NUP88: variants seen among roughly 807,000 people sequenced by gnomAD.
The protein encoded by NUP88 is nucleoporin 88.
A neutral mutation model predicts 93.9 loss-of-function variants in NUP88; 57 were observed. The observed-to-expected ratio is 0.61, with a 90% confidence interval of 0.49 to 0.76. NUP88 has a LOEUF of 0.76. NUP88 is among the 30% of genes least tolerant of loss of function. The pLI, the probability that NUP88 is intolerant of heterozygous loss-of-function variation, is 0.00. For synonymous variants in NUP88, 346 were observed against 336.8 expected (o/e 1.03, Z -0.30); for missense variants, 911 against 901.0 (o/e 1.01, Z -0.14).
intron 9 of NUP88, among the ~76,000 whole-genome samples, chr17:5,394,058 C>T (rs1011172390): frequency 5.3e-5 from 8 of 152,188 alleles, no homozygotes; most frequent in African/African-American, 1.9e-4. Context: ...AAGGGGACAT[C>T]TGGAGTTTTA....
Position 5,404,185 on chromosome 17 carries a change from A to G in NUP88, c.1106T>C (p.Val369Ala). The G allele has an allele frequency of 1.2e-6, 2 of 1,614,062 alleles. No individual in the cohort carries two copies. The highest frequency in any genetic ancestry group is 1.7e-6 in the Non-Finnish European group (2 of 1,179,900). Reference sequence around the variant, plus strand: ...CAGTTTCAAAGCAAGCTCCAACTCAACACATTCAAACACATACAGAGAAGG... The same window carrying G: ...CAGTTTCAAAGCAAGCTCCAACTCAGCACATTCAAACACATACAGAGAAGG... ...LIPSLYVFEC[V>A]ELELALKLAS... Residue 369 changes from valine (V) to alanine (A), a missense_variant, in exon 7 of 17, where the codon GTT becomes GCT. By Grantham distance (64) the Val-to-Ala change is moderately conservative. Transcript: ENST00000573584.
chr17:5,391,972 C>T (rs1265654546), intron 9 of NUP88, among the ~76,000 whole-genome samples: 1 of 121,576 alleles, frequency 8.2e-6, no homozygotes, highest in African/African-American at 2.9e-5. Flanking sequence ...CTTTGTTTGC[C>T]TAGCCCAGTG....
intron 9 of NUP88, among the ~76,000 whole-genome samples, chr17:5,391,899 G>A (rs1041798350): frequency 2.0e-5 from 3 of 151,504 alleles, no homozygotes; most frequent in Admixed American, 1.3e-4. Context: ...GCTGCTGACT[G>A]TAATCTCAAA....
chr17:5,414,361 A>G (rs1171097713), intron 2 of NUP88, among the ~76,000 whole-genome samples: 1 of 151,938 alleles, frequency 6.6e-6, no homozygotes, highest in Non-Finnish European at 1.5e-5. Context: ...TCGCCCAGCG[A>G]ACTTTGTATT....
At chr17:5,406,723 G>C (rs1913514159) in intron 5 of NUP88, among the ~76,000 whole-genome samples, 1 of 151,704 alleles carries the variant, frequency 6.6e-6, no homozygotes, top group Non-Finnish European at 1.5e-5. Context: ...CAATTGTTTT[G>C]GGCCACACAG....
rs751060674 is a variant in NUP88 at position 5,415,022 on chromosome 17, ATTTG to A, written c.468-892_468-889del. On this transcript the variant is annotated intron_variant, in intron 2 of 16. Coordinates refer to ENST00000573584, the MANE Select transcript of NUP88 (RefSeq NM_002532.6). ...AATTTAAATTATTTATTTAAATTTT[ATTTG>A]TTTATTTATTTGAGATGAAGTCTCA... is the stretch of plus-strand genomic sequence containing the variant. 3.4e-4 allele frequency among the ~76,000 whole-genome samples: 51 copies of A among 149,374 alleles called. No homozygotes were observed. In the South Asian group the frequency reaches 3.5e-3, roughly 10 times the overall value.
chr17:5,415,653 G>T (rs1162121619), intron 2 of NUP88, among the ~76,000 whole-genome samples: 1 of 152,076 alleles, frequency 6.6e-6, no homozygotes, highest in Non-Finnish European at 1.5e-5. Flanking sequence ...TTATGATGGG[G>T]TTACCCATCA....
At chr17:5,407,518 G>A (rs1913568536) in intron 5 of NUP88, among the ~76,000 whole-genome samples, 1 of 152,120 alleles carries the variant, frequency 6.6e-6, no homozygotes, top group Non-Finnish European at 1.5e-5. Context: ...AAACTCTAAT[G>A]CTCAGCCCTT....
intron 2 of NUP88, among the ~76,000 whole-genome samples, chr17:5,416,022 G>A (rs904179164): frequency 1.3e-5 from 2 of 150,320 alleles, no homozygotes; most frequent in Non-Finnish European, 2.9e-5. Context: ...GCGCTTGCCT[G>A]TAATCCCAGT....
At chr17:5,406,707 C>A (rs1204882988) in intron 5 of NUP88, among the ~76,000 whole-genome samples, 6 of 151,848 alleles carry the variant, frequency 4.0e-5, no homozygotes, top group African/African-American at 7.3e-5. Flanking sequence ...CTGGGCCACA[C>A]TGGAACAATT....
At chr17:5,414,526 TTC>T (rs1435211737) in intron 2 of NUP88, among the ~76,000 whole-genome samples, 1 of 152,190 alleles carries the variant, frequency 6.6e-6, no homozygotes, top group East Asian at 1.9e-4. Context: ...CACTCTTTGA[TTC>T]TCTTTCCTTC....
chr17:5,397,831 G>T (rs184779276), intron 8 of NUP88, among the ~76,000 whole-genome samples: 1 of 128,674 alleles, frequency 7.8e-6, no homozygotes, highest in African/African-American at 2.8e-5. Context: ...TTTTTAACAT[G>T]AAAGGCTGCT....
chr17:5,394,997 TTAC>T lies in NUP88; in HGVS notation c.1292-19_1292-17del. 1 of 1,476,588 alleles carries T rather than the reference TTAC, an allele frequency of 6.8e-7. No homozygotes were observed. The allele number at this position is 1,476,588 out of a possible 1,614,324, so 91.5% of individuals were successfully genotyped here. Reference sequence around the variant, plus strand: ...TCTTCTTCATCTACCATGGAAGACATTACATAAATGAAATGATGCTTAGACAAG... The same window carrying T: ...TCTTCTTCATCTACCATGGAAGACATATAAATGAAATGATGCTTAGACAAG... On this transcript the variant is annotated splice_polypyrimidine_tract_variant and intron_variant, in intron 8 of 16. Transcript: ENST00000573584.
At chr17:5,396,106 G>A (rs781574119) in intron 8 of NUP88, among the ~76,000 whole-genome samples, 44 of 152,042 alleles carry the variant, frequency 2.9e-4, no homozygotes, top group Non-Finnish European at 5.9e-4. Context: ...AGCTACTCGA[G>A]AGGCTGAGGC....
chr17:5,410,889 A>G, intron 3 of NUP88, 100 bp from the exon 4 acceptor site: 1 of 744,300 alleles, frequency 1.3e-6, no homozygotes. Flanking sequence ...AGAATTTTCT[A>G]ACACTTATCA....
intron 1 of NUP88, among the ~76,000 whole-genome samples, chr17:5,417,463 A>G (rs1914219335): frequency 6.7e-6 from 1 of 149,592 alleles, no homozygotes; most frequent in South Asian, 2.1e-4. Flanking sequence ...GAAAGACCCC[A>G]TTTCAAAAAT....
At chr17:5,387,575 T>C in intron 13 of NUP88, 30 bp downstream of exon 13, 1 of 1,600,476 alleles carries the variant, frequency 6.2e-7, no homozygotes, top group Non-Finnish European at 8.6e-7. Context: ...CTTACTGACC[T>C]ATTGTATTCT....
At chr17:5,402,337 A>C (rs1913224431) in intron 7 of NUP88, among the ~76,000 whole-genome samples, 1 of 152,122 alleles carries the variant, frequency 6.6e-6, no homozygotes, top group Admixed American at 6.6e-5. Flanking sequence ...AAAATACAAA[A>C]AACAAAACCC....
In NUP88 at chr17:5,419,574, C is replaced by T. The variant is rs1305157352; in HGVS notation, c.77G>A (p.Arg26Gln). Reference protein sequence around the residue: ...TWLPNHVVFLRLREGLKNQSP... With the variant: ...TWLPNHVVFLQLREGLKNQSP... The stretch of plus-strand genomic sequence containing the variant: ...CTGGTTTTTCAGTCCCTCCCGGAGC[C>T]GCAAGAACACGACGTGGTTAGGAAG... The change falls in exon 1 of 17, where the codon CGG becomes CAG. Residue 26 changes from arginine to glutamine, a missense_variant. By Grantham distance (43) the Arg-to-Gln change is conservative. Transcript: ENST00000573584. 6.2e-7 allele frequency: 1 copy of T among 1,609,858 alleles called. No homozygotes were observed. The highest frequency in any genetic ancestry group is 2.2e-5 in the East Asian group (1 of 44,780).
Sources: gnomAD v4.1 joint callset for allele counts (sites outside exome capture counted in the v4.1 genomes callset) on GRCh38, gnomAD v4.1.1 for gene constraint, MANE v1.5 for transcripts, NCBI Gene and HGNC (gene_info 2026-07-23, HGNC 2026-07-21) for gene names.